UNC13C: variants seen among roughly 807,000 people sequenced by gnomAD.
UNC13C encodes the protein unc-13 homolog C.
UNC13C carries 174 observed loss-of-function variants against 245.4 expected under a neutral mutation model. The ratio of observed to expected loss-of-function variants is 0.71; its 90% CI spans 0.63 to 0.80. UNC13C has a LOEUF of 0.80. UNC13C is among the 30% of genes least tolerant of loss of function. The pLI is 0.00. For synonymous variants in UNC13C, 992 were observed against 895.1 expected (o/e 1.11, Z -1.93); for missense variants, 2,829 against 2,602.9 (o/e 1.09, Z -1.89).
chr15:54,297,759 G>C, intron 11 of UNC13C, 52 bp from the exon 12 acceptor site: 2 of 1,354,100 alleles, frequency 1.5e-6, no homozygotes, highest in South Asian at 2.6e-5. Flanking sequence ...GGTCGTATGA[G>C]AAAAACATTA....
chr15:54,355,513 A>C (rs1462313562), intron 17 of UNC13C, among the ~76,000 whole-genome samples: 3 of 151,794 alleles, frequency 2.0e-5, no homozygotes, highest in Non-Finnish European at 2.9e-5. Context: ...CGCACCACCA[A>C]ACCTGGCTAA....
At chr15:54,257,875 A>G (rs1363995957) in intron 8 of UNC13C, among the ~76,000 whole-genome samples, 5 of 152,206 alleles carry the variant, frequency 3.3e-5, no homozygotes, top group Non-Finnish European at 5.9e-5. Flanking sequence ...TCTTGGATAT[A>G]AAACATCTAA....
At chr15:54,624,044 G>A in intron 32 of UNC13C, 90 bp downstream of exon 32, 1 of 1,491,656 alleles carries the variant, frequency 6.7e-7, no homozygotes, top group Admixed American at 2.0e-5. Context: ...GAAGGGCTAA[G>A]GAAAATGAAG....
intron 17 of UNC13C, among the ~76,000 whole-genome samples, chr15:54,391,154 A>T (rs781107190): frequency 2.6e-5 from 4 of 152,106 alleles, no homozygotes; most frequent in Non-Finnish European, 5.9e-5. Flanking sequence ...TGTTACACAT[A>T]TCATGTGTAA....
At chr15:54,067,144 G>C (rs1381069370) in intron 2 of UNC13C, among the ~76,000 whole-genome samples, 2 of 151,898 alleles carry the variant, frequency 1.3e-5, no homozygotes, top group African/African-American at 2.4e-5. Context: ...ATGACTGACT[G>C]TTTTTTTAAT....
chr15:54,325,132 TAC>T (rs2038262738), intron 14 of UNC13C, among the ~76,000 whole-genome samples: 2 of 152,106 alleles, frequency 1.3e-5, no homozygotes, highest in Admixed American at 1.3e-4. Flanking sequence ...ATAAATATGA[TAC>T]AGTCATTAAA....
chr15:54,050,877 T>A, intron 2 of UNC13C: 1 of 558,310 alleles, frequency 1.8e-6, no homozygotes, highest in Non-Finnish European at 3.6e-6. Context: ...TTCAGTCTCA[T>A]GACTCCACTT....
the UNC13C span, among the ~76,000 whole-genome samples, chr15:53,873,918 TCC>T: frequency 5.0e-4 from 10 of 20,194 alleles, no homozygotes; most frequent in Admixed American, 5.3e-4. Context: ...CTTCCTTCCT[TCC>T]TTTCTTCCTT....
rs768024156 is a variant in UNC13C, at chr15:54,237,692, T to C, written c.3228+2T>C. The C allele has an allele frequency of 6.2e-7, 1 of 1,606,068 alleles. No individual in the cohort carries two copies. Among genetic ancestry groups the C allele is most frequent in the Non-Finnish European group, 8.5e-7 (1 of 1,175,250 alleles). Reference sequence around the variant, plus strand: ...ACATCCCTAAATAATGAGGAACTGGTAAGTACTAGATATTGCTCATAATAT... The same window carrying C: ...ACATCCCTAAATAATGAGGAACTGGCAAGTACTAGATATTGCTCATAATAT... On this transcript the variant is annotated splice_donor_variant, in intron 7 of 32. Coordinates refer to ENST00000260323, the MANE Select transcript of UNC13C (RefSeq NM_001080534.3). LOFTEE classifies it high-confidence loss of function.
At chr15:54,512,387 A>G (rs746294877) in intron 24 of UNC13C, 10 of 455,936 alleles carry the variant, frequency 2.2e-5, no homozygotes, top group East Asian at 6.9e-5. Context: ...GGTTTGTGAT[A>G]GTAAGCATCT....
chr15:54,074,758 C>A (rs1424693457), intron 2 of UNC13C, among the ~76,000 whole-genome samples: 1 of 151,980 alleles, frequency 6.6e-6, no homozygotes, highest in African/African-American at 2.4e-5. Flanking sequence ...TTGCTTATGA[C>A]CTTATGGAGA....
chr15:54,048,933 G>T, intron 2 of UNC13C: 1 of 277,178 alleles, frequency 3.6e-6, no homozygotes. Context: ...TGTAAATTGA[G>T]TATCTTGAAG....
intron 5 of UNC13C, among the ~76,000 whole-genome samples, chr15:54,235,381 A>G (rs761654108): frequency 1.3e-5 from 2 of 152,216 alleles, no homozygotes; most frequent in Admixed American, 6.5e-5. Context: ...GAAATCACAC[A>G]GCATACCAAG....
intron 2 of UNC13C, among the ~76,000 whole-genome samples, chr15:54,127,904 T>A (rs1431150599): frequency 5.9e-5 from 9 of 151,352 alleles, no homozygotes; most frequent in African/African-American, 2.2e-4. Context: ...CAACATGTAC[T>A]AGAAGTCCTA....
chr15:54,073,029 C>T (rs1428859263), intron 2 of UNC13C, among the ~76,000 whole-genome samples: 1 of 152,160 alleles, frequency 6.6e-6, no homozygotes, highest in African/African-American at 2.4e-5. Context: ...TATCCCTCCC[C>T]TAGCCCTCCA....
the UNC13C span, among the ~76,000 whole-genome samples, chr15:53,863,489 A>G: frequency 1.3e-5 from 2 of 152,208 alleles, no homozygotes; most frequent in African/African-American, 2.4e-5. Flanking sequence ...GTTTATCATA[A>G]TGATATTGTT....
At chr15:54,030,976 A>G (rs1183545018) in intron 2 of UNC13C, among the ~76,000 whole-genome samples, 1 of 152,122 alleles carries the variant, frequency 6.6e-6, no homozygotes, top group East Asian at 1.9e-4. Context: ...TTCAAACCAT[A>G]GTACACCTCT....
chr15:53,907,066 A>G, the UNC13C span, among the ~76,000 whole-genome samples: 1 of 152,158 alleles, frequency 6.6e-6, no homozygotes. Flanking sequence ...GATCCAAACC[A>G]TATCAACACA....
chr15:53,868,854 G>A, the UNC13C span, among the ~76,000 whole-genome samples: 94,976 of 152,026 alleles, frequency 0.62, 29,710 homozygotes, highest in East Asian at 0.68. Flanking sequence ...TTTATGGCTC[G>A]TGCCTGTAAT....
Sources: gnomAD v4.1 joint callset for allele counts (sites outside exome capture counted in the v4.1 genomes callset) on GRCh38, gnomAD v4.1.1 for gene constraint, MANE v1.5 for transcripts, NCBI Gene and HGNC (gene_info 2026-07-23, HGNC 2026-07-21) for gene names.